VPS37A: variants seen among roughly 807,000 people sequenced by gnomAD.
The protein encoded by VPS37A is VPS37A subunit of ESCRT-I.
A neutral mutation model predicts 49.8 loss-of-function variants in VPS37A; 30 were observed. That is an observed-to-expected ratio of 0.60 (90% CI 0.45 to 0.82). VPS37A has a LOEUF of 0.82. VPS37A is among the 40% of genes least tolerant of loss of function. The pLI is 0.00. For missense variants in VPS37A, 593 were observed against 464.4 expected (o/e 1.28, Z -2.55); for synonymous variants, 195 against 160.6 (o/e 1.21, Z -1.62).
chr8:17,322,273 T>C, the VPS37A span, among the ~76,000 whole-genome samples: 2 of 152,250 alleles, frequency 1.3e-5, no homozygotes, highest in Non-Finnish European at 2.9e-5. Context: ...GACTTTATTA[T>C]GGCCTGTACG....
chr8:17,267,867 A>C (rs918981369), intron 2 of VPS37A, among the ~76,000 whole-genome samples: 3 of 152,128 alleles, frequency 2.0e-5, no homozygotes, highest in African/African-American at 7.2e-5. Flanking sequence ...AGAAAATTAT[A>C]TGGCTAGAAC....
intron 1 of VPS37A, among the ~76,000 whole-genome samples, chr8:17,261,940 T>C (rs1431298015): frequency 6.6e-6 from 1 of 152,206 alleles, no homozygotes; most frequent in African/African-American, 2.4e-5. Context: ...TCCTCAGGAA[T>C]ATTTCTCCCT....
chr8:17,333,043 C>T, the VPS37A span, among the ~76,000 whole-genome samples: 1,798 of 152,040 alleles, frequency 0.012, 36 homozygotes, highest in East Asian at 0.075. Flanking sequence ...GTGAAAAAAA[C>T]AGCAGAGGAT....
chr8:17,288,655 A>G (rs931999330), intron 11 of VPS37A, among the ~76,000 whole-genome samples: 1 of 152,198 alleles, frequency 6.6e-6, no homozygotes, highest in African/African-American at 2.4e-5. Flanking sequence ...AGTCTTTGCT[A>G]TTGTGAATAG....
chr8:17,265,938 A>G lies in VPS37A; in HGVS notation c.157A>G (p.Arg53Gly). 3.7e-6 allele frequency: 6 copies of G among 1,613,482 alleles called. No homozygotes were observed. Among genetic ancestry groups the G allele is most frequent in the Non-Finnish European group, 5.1e-6 (6 of 1,179,698 alleles). ...IAEIQKDVEY[R>G]LPFTINNLTI... ...CGAAATACAGAAAGATGTGGAATAC[A>G]GATTGCCATTCACCATAAACAACCT... is the stretch of plus-strand genomic sequence containing the variant. The change falls in exon 2 of 12, where the codon AGA becomes GGA. Residue 53 changes from arginine to glycine, a missense_variant. Coordinates refer to ENST00000324849, the MANE Select transcript of VPS37A (RefSeq NM_152415.3).
At chr8:17,287,198 A>C (rs563617051) in intron 11 of VPS37A, among the ~76,000 whole-genome samples, 183 of 152,110 alleles carry the variant, frequency 1.2e-3, no homozygotes, top group Non-Finnish European at 1.5e-3. Flanking sequence ...TCCCACCCCA[A>C]CAAACTTAAG....
chr8:17,295,537 C>T lies in VPS37A; in HGVS notation c.*551C>T, dbSNP rs1297634051. The T allele has an allele frequency of 1.3e-5, 2 of 152,346 alleles. No homozygotes were observed. The highest frequency in any genetic ancestry group is 4.8e-5 in the African/African-American group (2 of 41,376). The allele number at this position is 152,346 out of a possible 1,614,324, so 9.4% of individuals were successfully genotyped here. ...TCACAAAAGAAACTTTTAATACCTACAATAAATCAAAAGAATAAACCAGCT... is the reference window on the plus strand; with the variant it reads ...TCACAAAAGAAACTTTTAATACCTATAATAAATCAAAAGAATAAACCAGCT... On this transcript the variant is annotated 3_prime_UTR_variant, in exon 12 of 12. Transcript: ENST00000324849.
intron 6 of VPS37A, among the ~76,000 whole-genome samples, chr8:17,279,288 T>A (rs918176160): frequency 1.3e-5 from 2 of 152,222 alleles, no homozygotes; most frequent in Non-Finnish European, 2.9e-5. Flanking sequence ...ATCCTTGGAA[T>A]CATGCACTGA....
At chr8:17,280,770 T>C (rs1363270626) in intron 9 of VPS37A, among the ~76,000 whole-genome samples, 2 of 151,980 alleles carry the variant, frequency 1.3e-5, no homozygotes, top group Non-Finnish European at 2.9e-5. Context: ...CTTGTAAGCT[T>C]ATCTACAAAT....
chr8:17,307,795 C>G, the VPS37A span, among the ~76,000 whole-genome samples: 1 of 151,706 alleles, frequency 6.6e-6, no homozygotes, highest in Non-Finnish European at 1.5e-5. Context: ...GACAAAAAAA[C>G]CAAACACCAC....
the VPS37A span, among the ~76,000 whole-genome samples, chr8:17,309,715 C>A: frequency 6.6e-6 from 1 of 152,088 alleles, no homozygotes; most frequent in East Asian, 1.9e-4. Flanking sequence ...GGAAGGAGAC[C>A]CCACTTCACA....
chr8:17,274,663 C>T (rs1209252961), intron 4 of VPS37A, 70 bp from the exon 5 acceptor site: 7 of 1,295,452 alleles, frequency 5.4e-6, no homozygotes, highest in Non-Finnish European at 6.5e-6. Flanking sequence ...TTATTTAGAA[C>T]AATTTAGAAA....
intron 1 of VPS37A, chr8:17,248,025 TG>T (rs1811504992): frequency 2.0e-6 from 1 of 498,362 alleles, no homozygotes; most frequent in Admixed American, 3.7e-5. Context: ...GTTGTCTTCC[TG>T]TGAGTTTTTC....
intron 1 of VPS37A, among the ~76,000 whole-genome samples, chr8:17,255,223 G>C (rs1226406781): frequency 6.6e-6 from 1 of 152,218 alleles, no homozygotes; most frequent in Non-Finnish European, 1.5e-5. Context: ...CTGAGCGCCT[G>C]TAATCCCAGC....
At chr8:17,316,930 C>A in the VPS37A span, among the ~76,000 whole-genome samples, 1 of 152,136 alleles carries the variant, frequency 6.6e-6, no homozygotes, top group Non-Finnish European at 1.5e-5. Context: ...CCAAATTGCT[C>A]TTGAAAAGGG....
the VPS37A span, among the ~76,000 whole-genome samples, chr8:17,326,913 C>T: frequency 2.0e-5 from 3 of 152,152 alleles, no homozygotes; most frequent in African/African-American, 7.2e-5. Flanking sequence ...ATATACCGAC[C>T]ATAGCAAGTA....
At chr8:17,280,583 G>C in intron 9 of VPS37A, 140 bp downstream of exon 9, 1 of 708,230 alleles carries the variant, frequency 1.4e-6, no homozygotes, top group South Asian at 2.4e-5. Flanking sequence ...TTTAAACGTG[G>C]ATGAACAGCT....
At chr8:17,325,152 CAG>C in the VPS37A span, among the ~76,000 whole-genome samples, 14 of 151,940 alleles carry the variant, frequency 9.2e-5, no homozygotes, top group African/African-American at 3.4e-4. Flanking sequence ...CCTCTCCAAG[CAG>C]AGAGAACTAT....
intron 10 of VPS37A, among the ~76,000 whole-genome samples, chr8:17,285,059 T>A (rs1360114420): frequency 2.7e-5 from 4 of 148,874 alleles, no homozygotes; most frequent in East Asian, 3.9e-4. Context: ...AAAAAAAAAA[T>A]TTTTTTTTTG....
Sources: allele counts gnomAD v4.1 joint callset (sites outside exome capture counted in the v4.1 genomes callset), GRCh38; gene constraint gnomAD v4.1.1; transcripts MANE v1.5; gene names NCBI Gene and HGNC (gene_info 2026-07-23, HGNC 2026-07-21).